Variants in TMEM132D observed in about 807,000 individuals in gnomAD.
TMEM132D encodes the protein transmembrane protein 132D, also known as mature OL transmembrane protein.
Under a neutral mutation model 62.3 loss-of-function variants are expected in TMEM132D, and 21 were observed. The observed-to-expected ratio is 0.34, with a 90% CI of 0.24 to 0.49. The LOEUF (loss-of-function observed/expected upper bound fraction) is 0.49. TMEM132D is among the 20% of genes least tolerant of loss of function. The pLI, the probability that TMEM132D is intolerant of heterozygous loss-of-function variation, is 0.99. For missense variants in TMEM132D, 1,346 were observed against 1,402.8 expected, an observed-to-expected ratio of 0.96 and a Z score of 0.65; for synonymous variants, 621 against 575.6, an observed-to-expected ratio of 1.08 and a Z score of -1.13.
intron 2 of TMEM132D, among the ~76,000 whole-genome samples, chr12:129,649,362 C>CA (rs1447748098): frequency 3.9e-5 from 6 of 152,012 alleles, no homozygotes; most frequent in African/African-American, 1.2e-4. Flanking sequence ...AAAATGCCTC[C>CA]ACAAGCCACC....
intron 2 of TMEM132D, among the ~76,000 whole-genome samples, chr12:129,539,439 C>T (rs1410963950): frequency 6.8e-6 from 1 of 146,560 alleles, no homozygotes; most frequent in Non-Finnish European, 1.5e-5. Flanking sequence ...GAGTCTCACT[C>T]TGTCACCCAG....
At chr12:129,368,053 A>G (rs1870477576) in intron 3 of TMEM132D, among the ~76,000 whole-genome samples, 1 of 152,122 alleles carries the variant, frequency 6.6e-6, no homozygotes, top group Non-Finnish European at 1.5e-5. Flanking sequence ...TCAGCCTCTC[A>G]AAGTGTTAGG....
At chr12:129,776,437 C>G (rs1316454784) in intron 1 of TMEM132D, among the ~76,000 whole-genome samples, 1 of 125,058 alleles carries the variant, frequency 8.0e-6, no homozygotes, top group Non-Finnish European at 1.8e-5. Context: ...TTTTATTTGT[C>G]AAATATTCAT....
In TMEM132D at chr12:129,386,973, A is replaced by G. The variant is rs1033260727; in HGVS notation, c.1116-49156T>C. On this transcript the variant is annotated intron_variant, in intron 3 of 8. Coordinates refer to ENST00000422113, the MANE Select transcript of TMEM132D (RefSeq NM_133448.3). ...ACTAACACCAACACCAAAACCACCA[A>G]TGCTAACACTATCACTAACACCAAC... is the stretch of plus-strand genomic sequence containing the variant. Among the ~76,000 whole-genome samples, 4 of 152,022 alleles carry G rather than the reference A, an allele frequency of 2.6e-5. No homozygotes were observed. In the East Asian group the frequency reaches 5.8e-4, roughly 22 times the overall value.
At chr12:129,455,945 G>A (rs563573574) in intron 3 of TMEM132D, among the ~76,000 whole-genome samples, 96 of 152,284 alleles carry the variant, frequency 6.3e-4, no homozygotes, top group African/African-American at 2.2e-3. Context: ...GACTCAAGAG[G>A]AGAGACAGTG....
intron 3 of TMEM132D, among the ~76,000 whole-genome samples, chr12:129,374,330 T>C (rs1209647169): frequency 6.7e-6 from 1 of 149,368 alleles, no homozygotes. Flanking sequence ...AATCCTATCA[T>C]AATACTACGG....
At chr12:129,651,523 T>C (rs188698676) in intron 2 of TMEM132D, among the ~76,000 whole-genome samples, 291 of 152,278 alleles carry the variant, frequency 1.9e-3, no homozygotes, top group African/African-American at 6.7e-3. Flanking sequence ...GCAAACATGG[T>C]ACAAATACAT....
chr12:129,383,513 G>A (rs924513108), intron 3 of TMEM132D, among the ~76,000 whole-genome samples: 1 of 152,166 alleles, frequency 6.6e-6, no homozygotes, highest in African/African-American at 2.4e-5. Flanking sequence ...GGAGTGGTGT[G>A]ATCTTGGCTC....
chr12:129,145,596 G>A (rs1311881344), intron 5 of TMEM132D, among the ~76,000 whole-genome samples: 1 of 151,956 alleles, frequency 6.6e-6, no homozygotes, highest in Non-Finnish European at 1.5e-5. Flanking sequence ...TGAGCTCTGG[G>A]CTCAGTGCCA....
intron 3 of TMEM132D, among the ~76,000 whole-genome samples, chr12:129,406,378 T>A (rs1002903976): frequency 2.0e-5 from 3 of 152,186 alleles, no homozygotes; most frequent in Non-Finnish European, 2.9e-5. Context: ...CCCACCACTT[T>A]GGGAGGTCGA....
At chr12:129,846,869 T>G (rs1445787293) in intron 1 of TMEM132D, among the ~76,000 whole-genome samples, 1 of 152,244 alleles carries the variant, frequency 6.6e-6, no homozygotes, top group Non-Finnish European at 1.5e-5. Flanking sequence ...ATTATAGTTA[T>G]TTTTAAATCC....
chr12:129,456,848 A>G (rs1437340259), intron 3 of TMEM132D, among the ~76,000 whole-genome samples: 1 of 152,200 alleles, frequency 6.6e-6, no homozygotes, highest in African/African-American at 2.4e-5. Context: ...ATTAACAGGT[A>G]AAAGAAAAGA....
At position 129,475,033 on chromosome 12, in the gene TMEM132D, C is replaced by T. The variant is rs144819657; in HGVS notation, c.1115+56026G>A. ...ACACAAAGATGCATAAAAGTCCTAC[C>T]GAAGCTTGAACTTTGAAGGGGTTAA... On this transcript the variant is annotated intron_variant, in intron 3 of 8. Coordinates refer to ENST00000422113, the MANE Select transcript of TMEM132D (RefSeq NM_133448.3). 4.0e-3 allele frequency among the ~76,000 whole-genome samples: 602 copies of T among 152,194 alleles called. 3 individuals carry two copies. Among genetic ancestry groups the T allele is most frequent in the African/African-American group, 0.014 (561 of 41,528 alleles).
intron 5 of TMEM132D, among the ~76,000 whole-genome samples, chr12:129,173,584 ATCT>A (rs1555234486): frequency 6.6e-6 from 1 of 152,058 alleles, no homozygotes; most frequent in Non-Finnish European, 1.5e-5. Context: ...CATTAAACCA[ATCT>A]TCTTTTGTGA....
chr12:129,292,129 C>T (rs1351180042), intron 4 of TMEM132D, among the ~76,000 whole-genome samples: 1 of 152,182 alleles, frequency 6.6e-6, no homozygotes, highest in African/African-American at 2.4e-5. Context: ...TAAAGATCAA[C>T]ATTCACATCT....
intron 2 of TMEM132D, among the ~76,000 whole-genome samples, chr12:129,628,928 T>TTC (rs977405656): frequency 2.0e-5 from 3 of 149,616 alleles, no homozygotes; most frequent in Admixed American, 6.7e-5. Flanking sequence ...CTATCTCTCT[T>TTC]TCTCTCTCTC....
chr12:129,094,300 T>C (rs1469876212), intron 5 of TMEM132D, among the ~76,000 whole-genome samples: 7 of 152,240 alleles, frequency 4.6e-5, no homozygotes, highest in Admixed American at 1.3e-4. Context: ...AGGGCTAATA[T>C]CCAGAATCTA....
chr12:129,113,565 A>C (rs757833706), intron 5 of TMEM132D, among the ~76,000 whole-genome samples: 2 of 152,214 alleles, frequency 1.3e-5, no homozygotes, highest in Non-Finnish European at 2.9e-5. Flanking sequence ...TTAAAAAGAC[A>C]TATTAGCAAC....
At chr12:129,337,595 C>T (rs369873500) in intron 4 of TMEM132D, 39 bp downstream of exon 4, 43 of 1,610,640 alleles carry the variant, frequency 2.7e-5, no homozygotes, top group South Asian at 4.4e-5. Flanking sequence ...TCCCCTCCCC[C>T]GAGTTCAGTT....
Sources: allele counts gnomAD v4.1 joint callset (sites outside exome capture counted in the v4.1 genomes callset), GRCh38; gene constraint gnomAD v4.1.1; transcripts MANE v1.5; gene names NCBI Gene and HGNC (gene_info 2026-07-23, HGNC 2026-07-21).